Variants in PLA2G4D observed in about 807,000 individuals in gnomAD.
PLA2G4D encodes the protein phospholipase A2 group IVD.
PLA2G4D carries 80 observed loss-of-function variants against 94.4 expected under a neutral mutation model. The observed-to-expected ratio is 0.85, with a 90% CI of 0.71 to 1.02. The LOEUF is 1.02. Ranked by LOEUF, PLA2G4D falls within the 50% of genes least tolerant of loss-of-function variation. The probability of loss-of-function intolerance (pLI) is 0.00; values close to 1 mark genes in which losing one functional copy is unlikely to be tolerated. For synonymous variants in PLA2G4D, 438 were observed against 440.9 expected (o/e 0.99, Z 0.08); for missense variants, 1,050 against 1,034.7 (o/e 1.01, Z -0.20).
chr15:42,083,062 G>A, intron 8 of PLA2G4D, 136 bp downstream of exon 8: 1 of 1,169,266 alleles, frequency 8.6e-7, no homozygotes, highest in South Asian at 1.5e-5. Context: ...TGCCAAGAGT[G>A]AGGTGCCTAA....
chr15:42,072,743 A>G (rs1335928737), intron 13 of PLA2G4D, among the ~76,000 whole-genome samples: 1 of 152,186 alleles, frequency 6.6e-6, no homozygotes, highest in East Asian at 1.9e-4. Context: ...GCACACATCC[A>G]CGTATTGCTT....
rs1308045649 is a variant in PLA2G4D, at chr15:42,094,487, C to T, written c.-28G>A. The T allele has an allele frequency of 9.9e-6, 16 of 1,613,838 alleles. No individual in the cohort carries two copies. In the East Asian group the frequency reaches 3.3e-4, roughly 34 times the overall value. On this transcript the variant is annotated 5_prime_UTR_variant, in exon 1 of 20. Coordinates refer to ENST00000290472, the MANE Select transcript of PLA2G4D (RefSeq NM_178034.4). Reference sequence around the variant, plus strand: ...TAGCCCTTCCAGCTTCACTCCAGGCCCAGCCCTTGCCAAGATGCTGGCTCT... The same window carrying T: ...TAGCCCTTCCAGCTTCACTCCAGGCTCAGCCCTTGCCAAGATGCTGGCTCT...
At chr15:42,081,215 T>C in intron 11 of PLA2G4D, 82 bp from the exon 12 acceptor site, 1 of 1,551,250 alleles carries the variant, frequency 6.4e-7, no homozygotes, top group South Asian at 1.2e-5. Flanking sequence ...GCCCCGCTCC[T>C]TGTCTCCAGG....
intron 12 of PLA2G4D, 123 bp downstream of exon 12, chr15:42,080,867 TGCTTGGC>T: frequency 1.6e-6 from 2 of 1,258,020 alleles, no homozygotes; most frequent in Non-Finnish European, 2.1e-6. Context: ...GTGGGAAAGC[TGCTTGGC>T]GCCCATCAGA....
Position 42,086,210 on chromosome 15 carries a change from C to CCCCCCCCCCGG in PLA2G4D, c.387+2_387+3insCCGGGGGGGGG. ...ACGGGGACTTCCCCACCCACCCACC[C>CCCCCCCCCCGG]ACCTGGGGACTCTGGGAGAAGGTTT... On this transcript the variant is annotated splice_region_variant and intron_variant, in intron 4 of 19. Coordinates refer to ENST00000290472, the MANE Select transcript of PLA2G4D (RefSeq NM_178034.4). 6.9e-7 allele frequency: 1 copy of CCCCCCCCCCGG among 1,442,554 alleles called. No homozygotes were observed. The highest frequency in any genetic ancestry group is 9.3e-7 in the Non-Finnish European group (1 of 1,069,976). 89.4% of individuals were successfully genotyped at this position (1,442,554 alleles called of 1,614,324 possible). A position where few individuals can be genotyped will look rare whatever the true frequency, so the allele number is the denominator to read the frequency against.
intron 1 of PLA2G4D, among the ~76,000 whole-genome samples, chr15:42,093,000 C>A (rs769305224): frequency 1.3e-4 from 20 of 152,300 alleles, no homozygotes; most frequent in Non-Finnish European, 2.6e-4. Flanking sequence ...CTGGGCACAG[C>A]CCCAGGCCCT....
intron 3 of PLA2G4D, among the ~76,000 whole-genome samples, chr15:42,086,817 A>G (rs1230558990): frequency 6.6e-6 from 1 of 152,144 alleles, no homozygotes; most frequent in African/African-American, 2.4e-5. Flanking sequence ...GCGCCATTCA[A>G]CTCCAACCTG....
At chr15:42,082,907 C>T (rs1010590535) in intron 8 of PLA2G4D, among the ~76,000 whole-genome samples, 6 of 152,050 alleles carry the variant, frequency 3.9e-5, no homozygotes, top group South Asian at 2.1e-4. Flanking sequence ...CAGAGGTGGA[C>T]GGGTGCCAGG....
intron 12 of PLA2G4D, among the ~76,000 whole-genome samples, chr15:42,080,326 T>A (rs1890013375): frequency 6.6e-6 from 1 of 152,186 alleles, no homozygotes; most frequent in African/African-American, 2.4e-5. Flanking sequence ...AGGCGTTTCC[T>A]CTTCTTTTAC....
Position 42,081,032 on chromosome 15 carries a change from A to G in PLA2G4D, c.1059T>C (p.Cys353=), listed in dbSNP as rs1390206019. ...CAGAGATGCCACTGAAGTAGGTCAC[A>G]CAGTCTAGGAGGCCCAGCTTCTGCA... is the stretch of plus-strand genomic sequence containing the variant. ...LALQKLGLLD[C]VTYFSGISGS... Residue 353 remains cysteine, a synonymous_variant, in exon 12 of 20, where the codon TGT becomes TGC. Coordinates refer to ENST00000290472, the MANE Select transcript of PLA2G4D (RefSeq NM_178034.4). 1.9e-6 allele frequency: 3 copies of G among 1,614,002 alleles called. No individual in the cohort carries two copies. The highest frequency in any genetic ancestry group is 2.2e-5 in the East Asian group (1 of 44,892).
intron 10 of PLA2G4D, 39 bp from the exon 11 acceptor site, chr15:42,081,653 C>G (rs770479571): frequency 1.9e-6 from 3 of 1,611,328 alleles, no homozygotes; most frequent in Non-Finnish European, 2.5e-6. Flanking sequence ...GGGACACCTG[C>G]ATAGCTCAGC....
rs559827731 is a variant in PLA2G4D, at chr15:42,077,069, C to T, written c.1317+2468G>A. On this transcript the variant is annotated intron_variant, in intron 13 of 19. Coordinates refer to ENST00000290472, the MANE Select transcript of PLA2G4D (RefSeq NM_178034.4). ...AAAAGCTGAACAGAACAATAACAAG[C>T]AATGAGATTGAAGCAGTAATAAAAT... 5.2e-5 allele frequency among the ~76,000 whole-genome samples: 7 copies of T among 133,612 alleles called. 1 individual carries two copies. The South Asian group carries it at 1.6e-3, about 30-fold the overall frequency. The allele number at this position is 133,612 out of a possible 152,430, so 87.7% of individuals were successfully genotyped here.
intron 1 of PLA2G4D, among the ~76,000 whole-genome samples, chr15:42,093,558 T>C (rs761896642): frequency 2.6e-5 from 4 of 152,120 alleles, no homozygotes; most frequent in Non-Finnish European, 5.9e-5. Flanking sequence ...CGTGGGTGGA[T>C]CCACCTGACC....
At chr15:42,080,969 C>T (rs1410452828) in intron 12 of PLA2G4D, 28 bp downstream of exon 12, 1 of 1,609,862 alleles carries the variant, frequency 6.2e-7, no homozygotes, top group Admixed American at 1.7e-5. Context: ...CTGATTGTCT[C>T]TGCCACCCAG....
chr15:42,086,194 T>TACCCCCCCCCCCCCC lies in PLA2G4D; in HGVS notation c.387+18_387+19insGGGGGGGGGGGGGGT. On this transcript the variant is annotated intron_variant, in intron 4 of 19. Transcript: ENST00000290472. ...GGAAGAAGTGGGGCCCACGGGGACT[T>TACCCCCCCCCCCCCC]CCCCACCCACCCACCCACCTGGGGA... is the stretch of plus-strand genomic sequence containing the variant. The TACCCCCCCCCCCCCC allele has an allele frequency of 5.1e-6, 7 of 1,370,444 alleles. No homozygotes were observed. Among genetic ancestry groups the TACCCCCCCCCCCCCC allele is most frequent in the South Asian group, 4.5e-5 (3 of 66,866 alleles). 84.9% of individuals were successfully genotyped at this position (1,370,444 alleles called of 1,614,324 possible). A position where few individuals can be genotyped will look rare whatever the true frequency, so the allele number is the denominator to read the frequency against.
intron 3 of PLA2G4D, 88 bp from the exon 4 acceptor site, chr15:42,086,432 T>G: frequency 7.4e-7 from 1 of 1,355,488 alleles, no homozygotes; most frequent in Non-Finnish European, 1.0e-6. Context: ...ATGTCTAGAG[T>G]CAGAGAAGAT....
In PLA2G4D at chr15:42,086,194, T is replaced by TTGGGGGGGGGGCGG; in HGVS notation, c.387+18_387+19insCCGCCCCCCCCCCA. 4 of 1,370,436 alleles carry TTGGGGGGGGGGCGG rather than the reference T, an allele frequency of 2.9e-6. No individual in the cohort carries two copies. Among genetic ancestry groups the TTGGGGGGGGGGCGG allele is most frequent in the Non-Finnish European group, 3.8e-6 (4 of 1,043,076 alleles). The allele number at this position is 1,370,436 out of a possible 1,614,324, so 84.9% of individuals were successfully genotyped here. On this transcript the variant is annotated intron_variant, in intron 4 of 19. Coordinates refer to ENST00000290472, the MANE Select transcript of PLA2G4D (RefSeq NM_178034.4). ...GGAAGAAGTGGGGCCCACGGGGACT[T>TTGGGGGGGGGGCGG]CCCCACCCACCCACCCACCTGGGGA...
rs1163281007 is a variant in PLA2G4D, at chr15:42,068,569, T to C, written c.*146A>G. ...GTAAGAGAGAAGTCTGTGTGTGCAG[T>C]TCCCTCTGGGCAGTGAGACCAGCTA... On this transcript the variant is annotated 3_prime_UTR_variant, in exon 20 of 20. Coordinates refer to ENST00000290472, the MANE Select transcript of PLA2G4D (RefSeq NM_178034.4). The C allele has an allele frequency of 2.9e-6, 2 of 694,112 alleles. No individual in the cohort carries two copies. The highest frequency in any genetic ancestry group is 3.6e-5 in the African/African-American group (2 of 55,554). The allele number at this position is 694,112 out of a possible 1,614,324, so 43.0% of individuals were successfully genotyped here.
At chr15:42,086,381 C>T in intron 3 of PLA2G4D, 37 bp from the exon 4 acceptor site, 1 of 1,608,424 alleles carries the variant, frequency 6.2e-7, no homozygotes, top group Non-Finnish European at 8.5e-7. Context: ...ATTTTACCTG[C>T]TCATAGTGAG....
Sources: allele counts gnomAD v4.1 joint callset (sites outside exome capture counted in the v4.1 genomes callset), GRCh38; gene constraint gnomAD v4.1.1; transcripts MANE v1.5; gene names NCBI Gene and HGNC (gene_info 2026-07-23, HGNC 2026-07-21).